The following PRKCB variants were observed in gnomAD, a reference collection of about 807,000 sequenced individuals.
The protein encoded by PRKCB is protein kinase C beta type.
In PRKCB, 13 loss-of-function variants were observed where a neutral mutation model predicts 81.5. The observed-to-expected ratio is 0.16, with a 90% confidence interval of 0.10 to 0.25. The LOEUF (loss-of-function observed/expected upper bound fraction) is 0.25. Among genes scored for constraint, PRKCB ranks in the 10% least tolerant of loss-of-function variants. The probability of loss-of-function intolerance (pLI) is 1.00; values close to 1 mark genes in which losing one functional copy is unlikely to be tolerated. For missense variants in PRKCB, 509 were observed against 875.7 expected, an observed-to-expected ratio of 0.58 and a Z score of 5.29; for synonymous variants, 335 against 321.4, an observed-to-expected ratio of 1.04 and a Z score of -0.45.
At chr16:23,875,118 C>T (rs1597221386) in intron 2 of PRKCB, among the ~76,000 whole-genome samples, 1 of 150,888 alleles carries the variant, frequency 6.6e-6, no homozygotes, top group African/African-American at 2.4e-5. Context: ...CTCAATGCAA[C>T]CTCGACTTCC....
chr16:24,090,635 G>T (rs1293603597), intron 5 of PRKCB, among the ~76,000 whole-genome samples: 1 of 152,232 alleles, frequency 6.6e-6, no homozygotes, highest in African/African-American at 2.4e-5. Flanking sequence ...AAGAGAATGT[G>T]TTGGGTTCGA....
At chr16:24,128,843 TA>T (rs1249339853) in intron 9 of PRKCB, among the ~76,000 whole-genome samples, 2 of 152,212 alleles carry the variant, frequency 1.3e-5, no homozygotes, top group African/African-American at 4.8e-5. Context: ...ATTTTATCCT[TA>T]ACTGTCTGTT....
At chr16:24,096,660 AAAAAAAATATAT>A (rs1435216545) in intron 7 of PRKCB, among the ~76,000 whole-genome samples, 1 of 38,318 alleles carries the variant, frequency 2.6e-5, no homozygotes, top group Non-Finnish European at 5.2e-5. Flanking sequence ...GGCAAAAAAA[AAAAAAAATATAT>A]ATATATATAT....
intron 2 of PRKCB, among the ~76,000 whole-genome samples, chr16:23,888,218 G>A (rs1963235083): frequency 6.6e-6 from 1 of 152,198 alleles, no homozygotes; most frequent in Non-Finnish European, 1.5e-5. Context: ...GTTTCAGGCT[G>A]CCTCTTAGGA....
intron 3 of PRKCB, among the ~76,000 whole-genome samples, chr16:24,009,184 T>C (rs1409652153): frequency 6.6e-6 from 1 of 152,236 alleles, no homozygotes; most frequent in African/African-American, 2.4e-5. Context: ...CTTCAGGATG[T>C]TAATTTCAAT....
intron 9 of PRKCB, among the ~76,000 whole-genome samples, chr16:24,126,564 A>G (rs1966844588): frequency 6.6e-6 from 1 of 151,832 alleles, no homozygotes; most frequent in African/African-American, 2.4e-5. Context: ...ATGCCTGGCT[A>G]ATTTTTGTTT....
chr16:23,911,889 T>G (rs1168058946), intron 2 of PRKCB, among the ~76,000 whole-genome samples: 1 of 138,554 alleles, frequency 7.2e-6, no homozygotes, highest in African/African-American at 2.7e-5. Flanking sequence ...TGGAGTGCAG[T>G]GGCAGGATCT....
intron 2 of PRKCB, among the ~76,000 whole-genome samples, chr16:23,847,048 C>T (rs1017788803): frequency 6.6e-6 from 1 of 152,094 alleles, no homozygotes; most frequent in African/African-American, 2.4e-5. Context: ...TGATCCACTC[C>T]TATGGGTCTT....
chr16:24,016,957 C>T (rs749892920), intron 3 of PRKCB, among the ~76,000 whole-genome samples: 2 of 152,202 alleles, frequency 1.3e-5, no homozygotes, highest in Non-Finnish European at 1.5e-5. Context: ...GTCCACTGAG[C>T]TGGTGCTGTA....
At chr16:24,019,590 C>A (rs1407883566) in intron 3 of PRKCB, among the ~76,000 whole-genome samples, 1 of 152,014 alleles carries the variant, frequency 6.6e-6, no homozygotes, top group Non-Finnish European at 1.5e-5. Flanking sequence ...ATGGCGAAAC[C>A]CTGTCTCTGC....
At chr16:24,151,956 T>C in intron 9 of PRKCB, 1 of 453,312 alleles carries the variant, frequency 2.2e-6, no homozygotes, top group Non-Finnish European at 4.4e-6. Flanking sequence ...GGCTAAGATG[T>C]CCTATCATGA....
chr16:24,217,012 A>G lies in PRKCB; in HGVS notation c.*2196A>G. The stretch of plus-strand genomic sequence containing the variant: ...TTGGACATGCTCTCAGGAAGATAAA[A>G]ACCATGGAGAAACACTAGGCCATTG... On this transcript the variant is annotated 3_prime_UTR_variant, in exon 17 of 17. Transcript: ENST00000643927. The G allele has an allele frequency of 2.0e-6, 2 of 985,338 alleles. No individual in the cohort carries two copies. Among genetic ancestry groups the G allele is most frequent in the Non-Finnish European group, 2.4e-6 (2 of 829,914 alleles). 61.0% of individuals were successfully genotyped at this position (985,338 alleles called of 1,614,324 possible).
chr16:24,190,825 G>A (rs927765031), intron 15 of PRKCB, among the ~76,000 whole-genome samples: 5 of 152,030 alleles, frequency 3.3e-5, no homozygotes, highest in Non-Finnish European at 7.4e-5. Flanking sequence ...CCCTCATGTG[G>A]CATTTCTAAC....
intron 2 of PRKCB, among the ~76,000 whole-genome samples, chr16:23,878,681 T>C (rs1963056064): frequency 6.6e-6 from 1 of 152,226 alleles, no homozygotes; most frequent in Non-Finnish European, 1.5e-5. Flanking sequence ...TGAAAGAACC[T>C]TGAGTATGGA....
At chr16:24,145,190 T>C (rs1387661248) in intron 9 of PRKCB, among the ~76,000 whole-genome samples, 1 of 152,126 alleles carries the variant, frequency 6.6e-6, no homozygotes. Flanking sequence ...GAGGTGAGAT[T>C]GAGTCCCAAG....
chr16:23,909,418 G>C (rs978933203), intron 2 of PRKCB, among the ~76,000 whole-genome samples: 6 of 152,116 alleles, frequency 3.9e-5, no homozygotes, highest in Non-Finnish European at 8.8e-5. Context: ...CTTTCTCCTT[G>C]TATTCTCACG....
chr16:24,104,210 T>G (rs939531617), intron 7 of PRKCB, among the ~76,000 whole-genome samples: 1 of 152,228 alleles, frequency 6.6e-6, no homozygotes, highest in Non-Finnish European at 1.5e-5. Flanking sequence ...AACATTCTTT[T>G]TATTTCTAGG....
rs577174554 is a variant in PRKCB at position 23,972,133 on chromosome 16, C to T, written c.206-16375C>T. Among the ~76,000 whole-genome samples the T allele has an allele frequency of 6.6e-5, 10 of 152,244 alleles. No homozygotes were observed. The South Asian group carries it at 1.5e-3, about 22-fold the overall frequency. On this transcript the variant is annotated intron_variant, in intron 2 of 16. Coordinates refer to ENST00000643927, the MANE Select transcript of PRKCB (RefSeq NM_002738.7). Reference sequence around the variant, plus strand: ...GATGAACTAACTGCTAATACAGACACGTGCATGCGCGAGTCTCAAAAACAT... The same window carrying T: ...GATGAACTAACTGCTAATACAGACATGTGCATGCGCGAGTCTCAAAAACAT...
chr16:24,169,525 C>T (rs1011728659), intron 10 of PRKCB, among the ~76,000 whole-genome samples: 27 of 152,286 alleles, frequency 1.8e-4, no homozygotes, highest in Middle Eastern at 3.4e-3. Flanking sequence ...GTGCTCTAGC[C>T]TCAGGGCCTT....
Sources: allele counts gnomAD v4.1 joint callset (sites outside exome capture counted in the v4.1 genomes callset), GRCh38; gene constraint gnomAD v4.1.1; transcripts MANE v1.5; gene names NCBI Gene and HGNC (gene_info 2026-07-23, HGNC 2026-07-21).